Variants in ARHGAP39 observed in about 807,000 individuals in gnomAD.
The protein encoded by ARHGAP39 is Rho GTPase activating protein 39, also known as rho GTPase-activating protein 39.
In ARHGAP39, 44 loss-of-function variants were observed where a neutral mutation model predicts 106.9. The observed-to-expected ratio is 0.41, with a 90% CI of 0.32 to 0.53. The LOEUF (loss-of-function observed/expected upper bound fraction) is 0.53. Among genes scored for constraint, ARHGAP39 ranks in the 20% least tolerant of loss-of-function variants. The probability of loss-of-function intolerance (pLI) is 0.21; values close to 1 mark genes in which losing one functional copy is unlikely to be tolerated. For synonymous variants in ARHGAP39, 768 were observed against 693.2 expected, an observed-to-expected ratio of 1.11 and a Z score of -1.69; for missense variants, 1,496 against 1,577.3, an observed-to-expected ratio of 0.95 and a Z score of 0.87.
intron 3 of ARHGAP39, among the ~76,000 whole-genome samples, chr8:144,565,482 A>G (rs1185480052): frequency 2.0e-5 from 3 of 152,186 alleles, no homozygotes; most frequent in African/African-American, 7.2e-5. Context: ...TGAGGTCAGG[A>G]GTTCAAGGCC....
intron 1 of ARHGAP39, among the ~76,000 whole-genome samples, chr8:144,664,939 C>G (rs1237731359): frequency 1.3e-5 from 2 of 152,150 alleles, no homozygotes; most frequent in Admixed American, 1.3e-4. Context: ...AAATGGGTAA[C>G]AGGCAGAGGT....
Position 144,581,107 on chromosome 8 carries a change from T to C in ARHGAP39, c.251A>G (p.Asn84Ser), listed in dbSNP as rs777316055. ...CCACACCGTGCGCTGCGTGCTGGCA[T>C]TGTAGTAGTAGAAGCGGGACGTGTT... ...DPNTSRFYYYNASTQRTVWHR... is the reference protein window; with the variant it reads ...DPNTSRFYYYSASTQRTVWHR... The change falls in exon 3 of 12, where the codon AAT becomes AGT. Residue 84 changes from asparagine to serine, a missense_variant. Asn to Ser is a conservative substitution (Grantham distance 46). Transcript: ENST00000377307. The C allele has an allele frequency of 6.7e-5, 107 of 1,592,394 alleles. No homozygotes were observed. The highest frequency in any genetic ancestry group is 1.2e-4 in the Admixed American group (7 of 56,104).
At chr8:144,681,435 C>T (rs1586655776) in intron 1 of ARHGAP39, among the ~76,000 whole-genome samples, 1 of 152,284 alleles carries the variant, frequency 6.6e-6, no homozygotes, top group African/African-American at 2.4e-5. Context: ...GCAAAGCTAA[C>T]TGTGAGACGG....
chr8:144,663,670 G>A (rs966669052), intron 1 of ARHGAP39, among the ~76,000 whole-genome samples: 1 of 152,088 alleles, frequency 6.6e-6, no homozygotes, highest in African/African-American at 2.4e-5. Flanking sequence ...CATTCCCCGG[G>A]AGGCCTCCCC....
rs199875557 is a variant in ARHGAP39, at chr8:144,533,111, G to A, written c.2888+15C>T. 6.3e-7 allele frequency: 1 copy of A among 1,592,958 alleles called. No individual in the cohort carries two copies. Among genetic ancestry groups the A allele is most frequent in the African/African-American group, 1.3e-5 (1 of 74,834 alleles). Reference sequence around the variant, plus strand: ...CTGTGGCCCCCACACCCGGCGCCCGGGGTTGCCGTGGCACCTGAAGATGCC... The same window carrying A: ...CTGTGGCCCCCACACCCGGCGCCCGAGGTTGCCGTGGCACCTGAAGATGCC... On this transcript the variant is annotated intron_variant, in intron 9 of 11. Transcript: ENST00000377307.
At chr8:144,565,551 C>T (rs148406369) in intron 3 of ARHGAP39, among the ~76,000 whole-genome samples, 3,888 of 151,458 alleles carry the variant, frequency 0.026, 165 homozygotes, top group African/African-American at 0.089. Context: ...TAGCCAGGCG[C>T]GGTGGCAGGT....
upstream of ARHGAP39, among the ~76,000 whole-genome samples, chr8:144,690,375 G>A (rs1209550533): frequency 6.6e-6 from 1 of 152,064 alleles, no homozygotes; most frequent in East Asian, 1.9e-4. Flanking sequence ...CAAAGTGTTG[G>A]GATTACAGGC....
At chr8:144,649,556 G>A (rs11778889) in intron 1 of ARHGAP39, among the ~76,000 whole-genome samples, 1 of 151,986 alleles carries the variant, frequency 6.6e-6, no homozygotes. Flanking sequence ...GATCACTTTA[G>A]GTCAGGAGTT....
At chr8:144,653,073 A>G (rs909872859) in intron 1 of ARHGAP39, among the ~76,000 whole-genome samples, 2 of 152,094 alleles carry the variant, frequency 1.3e-5, no homozygotes, top group African/African-American at 4.8e-5. Flanking sequence ...TGAGGCGGGC[A>G]GATCACCTGA....
chr8:144,597,376 T>C (rs1362741678), intron 2 of ARHGAP39, among the ~76,000 whole-genome samples: 1 of 152,138 alleles, frequency 6.6e-6, no homozygotes, highest in Non-Finnish European at 1.5e-5. Flanking sequence ...TGTCTCCATC[T>C]AGAAGAGCAC....
At chr8:144,600,047 A>G (rs578207694) in intron 2 of ARHGAP39, among the ~76,000 whole-genome samples, 3 of 152,280 alleles carry the variant, frequency 2.0e-5, no homozygotes, top group African/African-American at 7.2e-5. Context: ...GCGTGGAGGC[A>G]TGCATGCATG....
intron 1 of ARHGAP39, among the ~76,000 whole-genome samples, chr8:144,614,679 G>A (rs903883932): frequency 9.9e-5 from 15 of 152,180 alleles, no homozygotes; most frequent in Non-Finnish European, 1.8e-4. Flanking sequence ...CTTTGTTTTG[G>A]ATCCAGATAC....
chr8:144,696,032 G>A, the ARHGAP39 span, among the ~76,000 whole-genome samples: 2 of 152,130 alleles, frequency 1.3e-5, no homozygotes, highest in South Asian at 2.1e-4. Context: ...AAGAGGGAGA[G>A]TCTAAAAACA....
intron 2 of ARHGAP39, among the ~76,000 whole-genome samples, chr8:144,588,073 A>G (rs6989368): frequency 0.5 from 76,662 of 152,106 alleles, 19,458 homozygotes; most frequent in South Asian, 0.62. Flanking sequence ...AGCCCCACGG[A>G]AACAGCTGGG....
the ARHGAP39 span, among the ~76,000 whole-genome samples, chr8:144,693,720 G>A: frequency 1.3e-5 from 2 of 152,222 alleles, no homozygotes; most frequent in African/African-American, 4.8e-5. Flanking sequence ...ATGAAAGCAG[G>A]TTTTGTTCTG....
At chr8:144,632,498 G>A in intron 1 of ARHGAP39, among the ~76,000 whole-genome samples, 1 of 152,234 alleles carries the variant, frequency 6.6e-6, no homozygotes, top group African/African-American at 2.4e-5. Flanking sequence ...GGCTTGCCTG[G>A]TGGAACTGGC....
intron 1 of ARHGAP39, among the ~76,000 whole-genome samples, chr8:144,620,888 T>C (rs1347624724): frequency 1.3e-5 from 2 of 152,250 alleles, no homozygotes; most frequent in Admixed American, 6.5e-5. Context: ...AGGTGGCCAC[T>C]GTGCCCTCGA....
intron 1 of ARHGAP39, among the ~76,000 whole-genome samples, chr8:144,639,107 A>T (rs1312495236): frequency 6.6e-6 from 1 of 152,176 alleles, no homozygotes; most frequent in African/African-American, 2.4e-5. Context: ...CAGGTAGATC[A>T]CTTGAGGTCA....
At chr8:144,580,756 TG>T in intron 3 of ARHGAP39, 89 bp downstream of exon 3, 1 of 160,868 alleles carries the variant, frequency 6.2e-6, no homozygotes, top group South Asian at 8.0e-5. Context: ...CGCTCTCACC[TG>T]GCCCCGCCCA....
Sources: gnomAD v4.1 joint callset for allele counts (sites outside exome capture counted in the v4.1 genomes callset) on GRCh38, gnomAD v4.1.1 for gene constraint, MANE v1.5 for transcripts, NCBI Gene and HGNC (gene_info 2026-07-23, HGNC 2026-07-21) for gene names.